SRPX2: variants seen among roughly 807,000 people sequenced by gnomAD.
SRPX2 encodes the protein sushi repeat containing protein X-linked 2, also known as sushi repeat-containing protein SRPX2.
Under a neutral mutation model 45.3 loss-of-function variants are expected in SRPX2, and 26 were observed. The observed-to-expected ratio is 0.57, with a 90% CI of 0.42 to 0.80. The LOEUF (loss-of-function observed/expected upper bound fraction) is 0.80, where lower values mean the gene tolerates loss of function less well. SRPX2 is among the 30% of genes least tolerant of loss of function. SRPX2 has a pLI of 0.00. For synonymous variants in SRPX2, 125 were observed against 143.7 expected, an observed-to-expected ratio of 0.87 and a Z score of 0.93; for missense variants, 355 against 399.8, an observed-to-expected ratio of 0.89 and a Z score of 0.95.
intron 3 of SRPX2, among the ~76,000 whole-genome samples, chrX:100,661,921 G>A (rs2147647182): frequency 9.8e-6 from 1 of 102,371 alleles, no homozygotes; most frequent in African/African-American, 3.6e-5. Context: ...GTGAGACTTA[G>A]GTCGAGGTGG....
chrX:100,665,768 G>C, intron 7 of SRPX2, 111 bp downstream of exon 7: 1 of 1,116,302 alleles, frequency 9.0e-7, no homozygotes, highest in Non-Finnish European at 1.2e-6. Flanking sequence ...TTTATACTGG[G>C]AGAGGAGAAA....
intron 3 of SRPX2, among the ~76,000 whole-genome samples, chrX:100,659,914 C>T (rs185226183): frequency 1.8e-5 from 2 of 108,135 alleles, no homozygotes; most frequent in Non-Finnish European, 3.8e-5. Context: ...CTTGGGCAGG[C>T]GGCCCTCTGC....
At chrX:100,649,503 AAG>A (rs1422645507) in intron 2 of SRPX2, 1 of 111,789 alleles carries the variant, frequency 8.9e-6, no homozygotes, top group African/African-American at 3.2e-5. Context: ...AAAGGGGAAA[AAG>A]AAAAAATGAA....
chrX:100,650,263 G>C (rs73636609), intron 2 of SRPX2: 2 of 118,314 alleles, frequency 1.7e-5, no homozygotes, highest in African/African-American at 6.5e-5. Flanking sequence ...ATGGTAATCC[G>C]GTAATCCGAT....
chrX:100,665,957 CAT>C (rs1239333060), intron 7 of SRPX2, among the ~76,000 whole-genome samples: 1 of 112,338 alleles, frequency 8.9e-6, no homozygotes, highest in Admixed American at 9.4e-5. Context: ...AAAATGATCA[CAT>C]GTAATCAGCC....
At chrX:100,665,747 GAC>G in intron 7 of SRPX2, 90 bp downstream of exon 7, 1 of 1,165,635 alleles carries the variant, frequency 8.6e-7, no homozygotes, top group Non-Finnish European at 1.2e-6. Flanking sequence ...GCCTGGAAGA[GAC>G]ACACCTCATT....
At position 100,665,643 on chromosome X, in the gene SRPX2, T is replaced by C. The variant is rs770138472; in HGVS notation, c.767T>C (p.Ile256Thr). The C allele has an allele frequency of 2.1e-5, 26 of 1,210,387 alleles. No homozygotes were observed. The highest frequency in any genetic ancestry group is 3.5e-5 in the African/African-American group (2 of 57,234). ...TACAACCGGGCCAGCTGCAAGTTCATTGTGAAAGTACAAGGTCAGAAAGAA... is the reference window on the plus strand; with the variant it reads ...TACAACCGGGCCAGCTGCAAGTTCACTGTGAAAGTACAAGGTCAGAAAGAA... ...RAYNRASCKF[I>T]VKVQVRRCPT... Residue 256 changes from isoleucine (I) to threonine (T), a missense_variant, in exon 7 of 11, where the codon ATT (isoleucine) becomes ACT (threonine). Ile to Thr is a moderately conservative substitution (Grantham distance 89, BLOSUM62 -1). Coordinates refer to ENST00000373004, the MANE Select transcript of SRPX2 (RefSeq NM_014467.3).
intron 8 of SRPX2, 107 bp downstream of exon 8, chrX:100,667,040 G>C: frequency 9.4e-7 from 1 of 1,059,809 alleles, no homozygotes; most frequent in Non-Finnish European, 1.3e-6. Context: ...ATGTGGGAAA[G>C]GGGGGTTCTG....
rs1163232018 is a variant in SRPX2 at position 100,657,349 on chromosome X, C to CTTT, written c.164-4810_164-4808dup. On this transcript the variant is annotated intron_variant, in intron 3 of 10. Transcript: ENST00000373004. ...CCTGGCCGGCATCTGTTATTTATGTCTTTTTTTTTTTTTTTTTTTGAGACA... is the reference window on the plus strand; with the variant it reads ...CCTGGCCGGCATCTGTTATTTATGTCTTTTTTTTTTTTTTTTTTTTTTGAGACA... Among the ~76,000 whole-genome samples, 35 of 28,412 alleles carry CTTT rather than the reference C, an allele frequency of 1.2e-3. 9 individuals carry two copies. The highest frequency in any genetic ancestry group is 5.0e-3 in the South Asian group (1 of 199). 24.7% of individuals were successfully genotyped at this position (28,412 alleles called of 115,157 possible).
chrX:100,670,591 G>C (rs1204719428), intron 10 of SRPX2, among the ~76,000 whole-genome samples: 1 of 111,533 alleles, frequency 9.0e-6, no homozygotes, highest in African/African-American at 3.3e-5. Flanking sequence ...GGAAGGGACA[G>C]CTTAGCAGAA....
rs996464109 is a variant in SRPX2, at chrX:100,673,118, G to C, written c.*2131G>C. On this transcript the variant is annotated 3_prime_UTR_variant, in exon 11 of 11. Coordinates refer to ENST00000373004, the MANE Select transcript of SRPX2 (RefSeq NM_014467.3). ...TCAGACTAGCTCTGTGGTTCCAAAG[G>C]CAAAGACTGCACCTTGGGCGAGATG... 1 of 111,422 alleles carries C rather than the reference G, an allele frequency of 9.0e-6. No individual in the cohort carries two copies. Among genetic ancestry groups the C allele is most frequent in the Non-Finnish European group, 1.9e-5 (1 of 53,124 alleles). 9.2% of individuals were successfully genotyped at this position (111,422 alleles called of 1,213,427 possible).
chrX:100,646,502 T>C (rs2083136054), intron 2 of SRPX2, 98 bp downstream of exon 2: 1 of 789,604 alleles, frequency 1.3e-6, no homozygotes, highest in Admixed American at 2.3e-5. Flanking sequence ...GAGACACTTA[T>C]TTTCTATACA....
In SRPX2 at chrX:100,654,832, C is replaced by T. The variant is rs769678213; in HGVS notation, c.163+3967C>T. On this transcript the variant is annotated intron_variant, in intron 3 of 10. Coordinates refer to ENST00000373004, the MANE Select transcript of SRPX2 (RefSeq NM_014467.3). ...ATTATTTTAGAGCAAATTGGCATGT[C>T]ATTTGCTATCATTTTCACTCATCTT... is the stretch of plus-strand genomic sequence containing the variant. 2.7e-5 allele frequency among the ~76,000 whole-genome samples: 3 copies of T among 111,811 alleles called. No homozygotes were observed. In the East Asian group the frequency reaches 8.4e-4, roughly 31 times the overall value.
At chrX:100,666,978 G>A (rs1222649873) in intron 8 of SRPX2, 45 bp downstream of exon 8, 4 of 1,181,871 alleles carry the variant, frequency 3.4e-6, no homozygotes, top group Non-Finnish European at 4.6e-6. Flanking sequence ...GGTGATCAGG[G>A]GAACTTTGGA....
intron 9 of SRPX2, among the ~76,000 whole-genome samples, 176 bp downstream of exon 9, chrX:100,667,583 GA>G (rs1439904049): frequency 3.6e-5 from 4 of 112,269 alleles, no homozygotes; most frequent in African/African-American, 1.3e-4. Flanking sequence ...TGTTTTTACT[GA>G]AAAGGCAATA....
At position 100,671,441 on chromosome X, in the gene SRPX2, CT is replaced by C. The variant is rs34012120; in HGVS notation, c.*470del. ...GGTGGGTAGCAGGGTACAAAACATC[CT>C]TTTTTTTTTTTTTTTGAGACGGAGT... On this transcript the variant is annotated 3_prime_UTR_variant, in exon 11 of 11. Coordinates refer to ENST00000373004, the MANE Select transcript of SRPX2 (RefSeq NM_014467.3). 9.1e-3 allele frequency: 818 copies of C among 89,726 alleles called. 7 individuals are homozygous for C. Among genetic ancestry groups the C allele is most frequent in the African/African-American group, 0.023 (461 of 20,400 alleles). The allele number at this position is 89,726 out of a possible 1,213,427, so 7.4% of individuals were successfully genotyped here.
intron 1 of SRPX2, 105 bp from the exon 2 acceptor site, chrX:100,646,088 T>A (rs1268083555): frequency 2.5e-6 from 1 of 403,441 alleles, no homozygotes; most frequent in Non-Finnish European, 4.3e-6. Flanking sequence ...AAAGGGACCA[T>A]AAATAACAAA....
At chrX:100,656,246 A>G (rs752465636) in intron 3 of SRPX2, among the ~76,000 whole-genome samples, 32 of 111,380 alleles carry the variant, frequency 2.9e-4, no homozygotes, top group Admixed American at 3.8e-4. Context: ...TGAGTGTCAC[A>G]CGCATAGACT....
chrX:100,647,789 T>C (rs893442138), intron 2 of SRPX2, among the ~76,000 whole-genome samples: 12 of 112,691 alleles, frequency 1.1e-4, no homozygotes, highest in African/African-American at 3.5e-4. Context: ...TTAGATTCAG[T>C]TGAGGTTCTC....
Sources: allele counts gnomAD v4.1 joint callset (sites outside exome capture counted in the v4.1 genomes callset), GRCh38; gene constraint gnomAD v4.1.1; transcripts MANE v1.5; gene names NCBI Gene and HGNC (gene_info 2026-07-23, HGNC 2026-07-21).